NPSR1: variants seen among roughly 807,000 people sequenced by gnomAD.
NPSR1 encodes neuropeptide S receptor.
NPSR1 carries 48 observed loss-of-function variants against 46.9 expected under a neutral mutation model. The ratio of observed to expected loss-of-function variants is 1.02; its 90% CI spans 0.81 to 1.30. The LOEUF is 1.30. NPSR1 is among the 50% of genes most tolerant of loss of function. NPSR1 has a pLI of 0.00. For synonymous variants in NPSR1, 176 were observed against 168.1 expected, an observed-to-expected ratio of 1.05 and a Z score of -0.36; for missense variants, 450 against 449.5, an observed-to-expected ratio of 1.00 and a Z score of -0.01.
intron 2 of NPSR1, among the ~76,000 whole-genome samples, chr7:34,723,121 C>T (rs750613077): frequency 6.6e-6 from 1 of 152,152 alleles, no homozygotes; most frequent in Non-Finnish European, 1.5e-5. Context: ...TGCAGCAATC[C>T]CAAGATAATG....
intron 3 of NPSR1, among the ~76,000 whole-genome samples, chr7:34,809,625 G>T (rs1222214615): frequency 6.6e-6 from 1 of 151,884 alleles, no homozygotes; most frequent in Admixed American, 6.6e-5. Context: ...CACTACGCCC[G>T]GCTAATTTTT....
intron 2 of NPSR1, among the ~76,000 whole-genome samples, chr7:34,728,557 G>A (rs998096601): frequency 6.6e-6 from 1 of 152,212 alleles, no homozygotes; most frequent in Non-Finnish European, 1.5e-5. Flanking sequence ...AATGGAACTG[G>A]AGAAAATTCT....
intron 3 of NPSR1, among the ~76,000 whole-genome samples, chr7:34,781,830 A>G (rs1214399858): frequency 1.3e-5 from 2 of 152,166 alleles, no homozygotes; most frequent in African/African-American, 4.8e-5. Context: ...AGCCAGCACC[A>G]TAGTAAGCTA....
At chr7:34,862,039 C>A (rs1791201530) in intron 8 of NPSR1, among the ~76,000 whole-genome samples, 2 of 151,886 alleles carry the variant, frequency 1.3e-5, no homozygotes. Flanking sequence ...CAGTGCCAAC[C>A]ATTGCACCTG....
chr7:34,679,204 C>T (rs1447610643), intron 1 of NPSR1, among the ~76,000 whole-genome samples: 1 of 151,922 alleles, frequency 6.6e-6, no homozygotes, highest in Non-Finnish European at 1.5e-5. Flanking sequence ...AGTACAAAAA[C>T]AAACTTTAAA....
chr7:34,746,334 G>C (rs999126020), intron 2 of NPSR1, among the ~76,000 whole-genome samples: 6 of 152,152 alleles, frequency 3.9e-5, no homozygotes, highest in African/African-American at 1.4e-4. Context: ...TTTTGAGAGA[G>C]AATGACCCCA....
At chr7:34,790,854 G>A (rs1404453242) in intron 3 of NPSR1, among the ~76,000 whole-genome samples, 1 of 113,054 alleles carries the variant, frequency 8.8e-6, no homozygotes, top group African/African-American at 3.7e-5. Flanking sequence ...TATGTTATAT[G>A]TTATGTTATA....
At chr7:34,717,056 TA>T (rs1783610385) in intron 2 of NPSR1, among the ~76,000 whole-genome samples, 1 of 152,208 alleles carries the variant, frequency 6.6e-6, no homozygotes, top group African/African-American at 2.4e-5. Context: ...TTCTAAAGCC[TA>T]AAATTCTAGA....
chr7:34,865,436 C>T (rs1791289404), intron 8 of NPSR1, among the ~76,000 whole-genome samples: 1 of 151,736 alleles, frequency 6.6e-6, no homozygotes, highest in Admixed American at 6.6e-5. Context: ...TGAGCATGCT[C>T]AGTAGAATCT....
chr7:34,751,711 G>C (rs1445303340), intron 2 of NPSR1: 2 of 1,586,178 alleles, frequency 1.3e-6, no homozygotes, highest in East Asian at 4.5e-5. Flanking sequence ...GAGCATTGTG[G>C]GAGACTCCTT....
At chr7:34,856,960 T>C (rs545799691) in intron 8 of NPSR1, among the ~76,000 whole-genome samples, 1 of 151,720 alleles carries the variant, frequency 6.6e-6, no homozygotes, top group East Asian at 1.9e-4. Context: ...GGCCTTTTAA[T>C]TCAAAATATA....
intron 1 of NPSR1, among the ~76,000 whole-genome samples, chr7:34,669,743 A>T (rs1791948603): frequency 6.6e-6 from 1 of 152,192 alleles, no homozygotes; most frequent in South Asian, 2.1e-4. Context: ...ACAACCAAAC[A>T]GAACTAGCTC....
At chr7:34,715,691 C>CA (rs1783527735) in intron 2 of NPSR1, among the ~76,000 whole-genome samples, 1 of 152,210 alleles carries the variant, frequency 6.6e-6, no homozygotes, top group African/African-American at 2.4e-5. Context: ...GCCCTGAATA[C>CA]AAAATAGCTG....
chr7:34,825,358 T>A (rs528929369), intron 4 of NPSR1, among the ~76,000 whole-genome samples: 1 of 152,336 alleles, frequency 6.6e-6, no homozygotes, highest in South Asian at 2.1e-4. Flanking sequence ...GGTGACTCGA[T>A]GTCTACATAA....
chr7:34,877,268 G>C (rs985782258), intron 8 of NPSR1, among the ~76,000 whole-genome samples: 4 of 152,158 alleles, frequency 2.6e-5, no homozygotes, highest in African/African-American at 9.6e-5. Flanking sequence ...GGGTGTGGGG[G>C]TGGCAAGAGC....
chr7:34,839,835 G>C (rs1173769442), intron 6 of NPSR1, among the ~76,000 whole-genome samples: 2 of 152,074 alleles, frequency 1.3e-5, no homozygotes, highest in Admixed American at 6.5e-5. Context: ...GCTCAGGAGA[G>C]GTATCTGAGC....
intron 1 of NPSR1, among the ~76,000 whole-genome samples, chr7:34,673,613 T>G (rs945714523): frequency 3.4e-4 from 52 of 152,186 alleles, no homozygotes; most frequent in African/African-American, 1.2e-3. Flanking sequence ...TTCCCTATTC[T>G]TCATGAAGAA....
chr7:34,686,214 C>T (rs1457686060), intron 2 of NPSR1: 1 of 152,334 alleles, frequency 6.6e-6, no homozygotes, highest in African/African-American at 2.4e-5. Context: ...TTGTATTAAT[C>T]TGGGCTTAAT....
intron 3 of NPSR1, among the ~76,000 whole-genome samples, chr7:34,798,261 C>T (rs1303615330): frequency 2.0e-5 from 3 of 152,092 alleles, no homozygotes; most frequent in African/African-American, 7.2e-5. Context: ...AGCCCAGGCA[C>T]GGGTGGCCCA....
Sources: gnomAD v4.1 joint callset for allele counts (sites outside exome capture counted in the v4.1 genomes callset) on GRCh38, gnomAD v4.1.1 for gene constraint, MANE v1.5 for transcripts, NCBI Gene and HGNC (gene_info 2026-07-23, HGNC 2026-07-21) for gene names.